GPSM2: variants seen among roughly 807,000 people sequenced by gnomAD.
GPSM2 encodes the protein G protein signaling modulator 2, also known as G protein-signaling modulator 2.
A neutral mutation model predicts 78.4 loss-of-function variants in GPSM2; 58 were observed. The ratio of observed to expected loss-of-function variants is 0.74; its 90% CI spans 0.60 to 0.92. The LOEUF (loss-of-function observed/expected upper bound fraction) is 0.92. GPSM2 is among the 40% of genes least tolerant of loss of function. The pLI, the probability that GPSM2 is intolerant of heterozygous loss-of-function variation, is 0.00. For synonymous variants in GPSM2, 224 were observed against 280.2 expected (o/e 0.80, Z 2.00); for missense variants, 700 against 815.5 (o/e 0.86, Z 1.73).
chr1:108,908,212 A>G (rs1405324478), intron 10 of GPSM2, among the ~76,000 whole-genome samples: 6 of 151,748 alleles, frequency 4.0e-5, no homozygotes, highest in African/African-American at 1.5e-4. Context: ...TCCACTAAAA[A>G]TACAAAAAAT....
At position 108,918,597 on chromosome 1, in the gene GPSM2, A is replaced by T. The variant is rs760057473; in HGVS notation, c.1264-16A>T. On this transcript the variant is annotated splice_polypyrimidine_tract_variant and intron_variant, in intron 11 of 14. Transcript: ENST00000264126. ...GGGGGTGTTTATTCACCTGCCTTCC[A>T]TTTATAATTTTGTAGGTACAGAACT... The T allele has an allele frequency of 2.1e-5, 33 of 1,604,624 alleles. No homozygotes were observed. Among genetic ancestry groups the T allele is most frequent in the Non-Finnish European group, 2.8e-5 (33 of 1,171,484 alleles).
intron 5 of GPSM2, 93 bp from the exon 6 acceptor site, chr1:108,898,549 A>AT (rs1648554653): frequency 4.9e-6 from 6 of 1,216,338 alleles, no homozygotes; most frequent in South Asian, 1.3e-5. Context: ...GCTTCCCTAC[A>AT]TTTTTTTCTG....
At chr1:108,880,382 A>C (rs569439481) in intron 1 of GPSM2, among the ~76,000 whole-genome samples, 2 of 152,254 alleles carry the variant, frequency 1.3e-5, no homozygotes, top group African/African-American at 4.8e-5. Flanking sequence ...ATCACTTGAG[A>C]CCAGGAGTCG....
At position 108,885,369 on chromosome 1, in the gene GPSM2, T is replaced by G; in HGVS notation, c.-154T>G. 1 of 525,258 alleles carries G rather than the reference T, an allele frequency of 1.9e-6. No individual in the cohort carries two copies. Among genetic ancestry groups the G allele is most frequent in the Non-Finnish European group, 3.4e-6 (1 of 297,648 alleles). The allele number at this position is 525,258 out of a possible 1,614,324, so 32.5% of individuals were successfully genotyped here. A position where few individuals can be genotyped will look rare whatever the true frequency, so the allele number is the denominator to read the frequency against. ...CTGTCTGACATTGACCTCCTTTCAT[T>G]ATTAATAAAGAAGAATCAGGAGCTT... On this transcript the variant is annotated 5_prime_UTR_variant, in exon 2 of 15. The change creates a new upstream start codon in the 5' untranslated region. Transcript: ENST00000264126.
In GPSM2 at chr1:108,898,875, T is replaced by C. The variant is rs1280953202; in HGVS notation, c.682-4T>C. 6.2e-7 allele frequency: 1 copy of C among 1,607,872 alleles called. No homozygotes were observed. The highest frequency in any genetic ancestry group is 8.5e-7 in the Non-Finnish European group (1 of 1,174,280). ...CTACATCTAATTAAAATTGTTTGTT[T>C]CAGCGTCTCCTTATTGCAAAAGAAT... On this transcript the variant is annotated splice_region_variant and splice_polypyrimidine_tract_variant and intron_variant, in intron 6 of 14. Coordinates refer to ENST00000264126, the MANE Select transcript of GPSM2 (RefSeq NM_013296.5).
chr1:108,886,559 T>C (rs1647565725), intron 2 of GPSM2, among the ~76,000 whole-genome samples: 1 of 152,224 alleles, frequency 6.6e-6, no homozygotes, highest in African/African-American at 2.4e-5. Context: ...TTGTCTACAT[T>C]CCTGGTAGAA....
intron 13 of GPSM2, among the ~76,000 whole-genome samples, chr1:108,922,843 C>T (rs1650826921): frequency 6.6e-6 from 1 of 151,972 alleles, no homozygotes; most frequent in Non-Finnish European, 1.5e-5. Context: ...GAAAATGTGA[C>T]TGTGAGCCAG....
intron 9 of GPSM2, among the ~76,000 whole-genome samples, chr1:108,903,852 A>C (rs923307988): frequency 1.3e-5 from 2 of 152,326 alleles, no homozygotes; most frequent in Admixed American, 1.3e-4. Flanking sequence ...CCAGAGAACA[A>C]GAGCAATCTA....
chr1:108,918,764 AC>A lies in GPSM2; in HGVS notation c.1417del (p.His473ThrfsTer24). ...CTCCAAGATGCCAGTAATTCTATTG[AC>A]CACCGAATTCCAAATTCTCAGAGGG... The part of the protein sequence containing the change: ...KVLQDASNSI[D>X]HRIPNSQRKI... On this transcript the variant is annotated frameshift_variant, in exon 12 of 15. Coordinates refer to ENST00000264126, the MANE Select transcript of GPSM2 (RefSeq NM_013296.5). LOFTEE classifies it high-confidence loss of function. The A allele has an allele frequency of 6.2e-7, 1 of 1,613,544 alleles. No individual in the cohort carries two copies. Among genetic ancestry groups the A allele is most frequent in the Non-Finnish European group, 8.5e-7 (1 of 1,179,502 alleles).
chr1:108,903,054 C>A, intron 8 of GPSM2, 72 bp from the exon 9 acceptor site: 1 of 880,998 alleles, frequency 1.1e-6, no homozygotes, highest in Non-Finnish European at 1.9e-6. Flanking sequence ...TTAGTTCCTG[C>A]TAGATAGCTT....
intron 11 of GPSM2, among the ~76,000 whole-genome samples, chr1:108,916,078 CA>C (rs59651066): frequency 1.8e-3 from 194 of 105,142 alleles, no homozygotes; most frequent in East Asian, 3.3e-3. Flanking sequence ...CCTGTCTATA[CA>C]AAAAAAAAAA....
chr1:108,898,497 T>C, intron 5 of GPSM2, 145 bp from the exon 6 acceptor site: 1 of 693,964 alleles, frequency 1.4e-6, no homozygotes, highest in Non-Finnish European at 2.5e-6. Context: ...TTGCTCTTCA[T>C]CATAGATGTC....
chr1:108,905,582 ATTCTC>A (rs753303190), intron 10 of GPSM2, among the ~76,000 whole-genome samples: 5 of 151,528 alleles, frequency 3.3e-5, no homozygotes, highest in Non-Finnish European at 7.4e-5. Context: ...TCTCGTCTTT[ATTCTC>A]TTCTCTCCTC....
chr1:108,931,619 G>T lies in GPSM2; in HGVS notation c.*1679G>T. On this transcript the variant is annotated 3_prime_UTR_variant, in exon 15 of 15. Coordinates refer to ENST00000264126, the MANE Select transcript of GPSM2 (RefSeq NM_013296.5). ...CATAACCTGGAATTAATTACATTAA[G>T]TGCTCAGCTAAAAAAAAAAAAAAAG... 3.1e-5 allele frequency: 35 copies of T among 1,124,208 alleles called. No individual in the cohort carries two copies. Among genetic ancestry groups the T allele is most frequent in the African/African-American group, 3.7e-5 (2 of 53,586 alleles). 69.6% of individuals were successfully genotyped at this position (1,124,208 alleles called of 1,614,324 possible). A position where few individuals can be genotyped will look rare whatever the true frequency, so the allele number is the denominator to read the frequency against.
At chr1:108,909,022 C>A (rs1649495078) in intron 10 of GPSM2, among the ~76,000 whole-genome samples, 1 of 151,846 alleles carries the variant, frequency 6.6e-6, no homozygotes, top group Non-Finnish European at 1.5e-5. Context: ...GCCTGTGATC[C>A]CAGCTACTCG....
chr1:108,921,413 C>T (rs1423812791), intron 12 of GPSM2, among the ~76,000 whole-genome samples: 2 of 9,266 alleles, frequency 2.2e-4, no homozygotes, highest in African/African-American at 5.5e-4. Flanking sequence ...GAGCGAGACT[C>T]CTCAAAAAAA....
intron 12 of GPSM2, among the ~76,000 whole-genome samples, chr1:108,921,818 C>T (rs1342347092): frequency 6.6e-6 from 1 of 152,112 alleles, no homozygotes; most frequent in Non-Finnish European, 1.5e-5. Flanking sequence ...AGGCCCGTAA[C>T]ATTTTTGTAT....
Position 108,922,495 on chromosome 1 carries a change from C to G in GPSM2, c.1519C>G (p.Gln507Glu). The part of the protein sequence containing the change: ...SRFQSNRMDD[Q>E]RCCLQEKNCH... ...ATTTCAAAGCAATAGGATGGATGAT[C>G]AGAGATGTTGCTTACAAGAAAAGAA... Residue 507 changes from glutamine (Q) to glutamate (E), a missense_variant, in exon 13 of 15, where the codon CAG becomes GAG. By Grantham distance (29) the Gln-to-Glu change is conservative (BLOSUM62 2). Coordinates refer to ENST00000264126, the MANE Select transcript of GPSM2 (RefSeq NM_013296.5). 3.1e-6 allele frequency: 5 copies of G among 1,611,372 alleles called. No homozygotes were observed. Among genetic ancestry groups the G allele is most frequent in the Non-Finnish European group, 2.5e-6 (3 of 1,177,698 alleles).
chr1:108,912,043 AG>A (rs1649792753), intron 10 of GPSM2, among the ~76,000 whole-genome samples: 1 of 152,068 alleles, frequency 6.6e-6, no homozygotes, highest in South Asian at 2.1e-4. Flanking sequence ...TATGAGTTCA[AG>A]GGATCTGCCC....
Sources: gnomAD v4.1 joint callset for allele counts (sites outside exome capture counted in the v4.1 genomes callset) on GRCh38, gnomAD v4.1.1 for gene constraint, MANE v1.5 for transcripts, NCBI Gene and HGNC (gene_info 2026-07-23, HGNC 2026-07-21) for gene names.